Variants in RFX6 observed in about 807,000 individuals in gnomAD.
RFX6 encodes DNA-binding protein RFX6.
In RFX6, 50 loss-of-function variants were observed where a neutral mutation model predicts 110.8. The ratio of observed to expected loss-of-function variants is 0.45; its 90% CI spans 0.36 to 0.57. The LOEUF is 0.57. Ranked by LOEUF, RFX6 falls within the 20% of genes least tolerant of loss-of-function variation. The pLI is 0.00. For synonymous variants in RFX6, 383 were observed against 411.2 expected (o/e 0.93, Z 0.83); for missense variants, 990 against 1,127.0 (o/e 0.88, Z 1.74).
intron 5 of RFX6, 54 bp downstream of exon 5, chr6:116,894,118 GA>G (rs1338607379): frequency 2.0e-5 from 18 of 911,912 alleles, no homozygotes; most frequent in African/African-American, 4.9e-5. Flanking sequence ...AAATATGCAT[GA>G]TACCTATTGA....
In RFX6 at chr6:116,882,419, G is replaced by A; in HGVS notation, c.557G>A (p.Gly186Asp). The A allele has an allele frequency of 6.2e-7, 1 of 1,611,124 alleles. No individual in the cohort carries two copies. Among genetic ancestry groups the A allele is most frequent in the Non-Finnish European group, 8.5e-7 (1 of 1,177,554 alleles). Residue 186 changes from glycine to aspartate, a missense_variant, in exon 4 of 19, where the codon GGC (glycine) becomes GAC (aspartate). Gly to Asp is a moderately conservative substitution (Grantham distance 94). Around this residue, in one of 5 missense-constraint regions of RFX6, gnomAD observed 243 missense variants for 353.1 expected, o/e 0.69. Coordinates refer to ENST00000332958, the MANE Select transcript of RFX6 (RefSeq NM_173560.4). ...LLTTRRLGTR[G>D]HSKYHYYGIG... ...ACAACAAGGCGGCTTGGAACAAGAG[G>A]CCATTCAAAGTAAGATACCAGTGAA...
chr6:116,887,346 G>C (rs339328), intron 4 of RFX6, among the ~76,000 whole-genome samples: 2 of 151,830 alleles, frequency 1.3e-5, no homozygotes, highest in African/African-American at 4.8e-5. Context: ...CAATTTGCAG[G>C]TCCATTAGCA....
At position 116,924,354 on chromosome 6, in the gene RFX6, C is replaced by T. The variant is rs143792425; in HGVS notation, c.1556-315C>T. Among the ~76,000 whole-genome samples the T allele has an allele frequency of 1.3e-4, 20 of 152,270 alleles. No individual in the cohort carries two copies. The East Asian group carries it at 3.9e-3, about 29-fold the overall frequency. On this transcript the variant is annotated intron_variant, in intron 14 of 18. Transcript: ENST00000332958. ...GAAGCTTATCACACTCCAATGTGTG[C>T]CCTCTTAAAGCATAAAGCATGTCTC...
chr6:116,921,595 ATTGC>A (rs1385117971), intron 12 of RFX6, among the ~76,000 whole-genome samples: 1 of 152,146 alleles, frequency 6.6e-6, no homozygotes, highest in Non-Finnish European at 1.5e-5. Flanking sequence ...AGGTGGGAAG[ATTGC>A]TTGATCCCAG....
intron 6 of RFX6, among the ~76,000 whole-genome samples, chr6:116,907,230 C>T (rs1486228121): frequency 1.3e-5 from 2 of 151,866 alleles, no homozygotes; most frequent in East Asian, 1.9e-4. Context: ...GGTGTGTAAT[C>T]CTGTTAATAT....
intron 4 of RFX6, among the ~76,000 whole-genome samples, chr6:116,889,073 T>C (rs1157097105): frequency 6.6e-6 from 1 of 152,126 alleles, no homozygotes; most frequent in Non-Finnish European, 1.5e-5. Context: ...TGCTAAAGCA[T>C]TACAGTGGTC....
At chr6:116,893,955 T>C (rs1427903566) in intron 4 of RFX6, 32 bp from the exon 5 acceptor site, 2 of 1,337,262 alleles carry the variant, frequency 1.5e-6, no homozygotes, top group Non-Finnish European at 2.2e-6. Context: ...TCTCCTTCAC[T>C]AACACAGAGC....
intron 6 of RFX6, among the ~76,000 whole-genome samples, chr6:116,896,556 T>C (rs959756795): frequency 6.7e-6 from 1 of 149,924 alleles, no homozygotes; most frequent in Non-Finnish European, 1.5e-5. Flanking sequence ...ATACAAAAAA[T>C]TATTTGGGCA....
chr6:116,893,530 A>G (rs963544088), intron 4 of RFX6, among the ~76,000 whole-genome samples: 1 of 152,142 alleles, frequency 6.6e-6, no homozygotes, highest in Non-Finnish European at 1.5e-5. Context: ...AATAATGTGT[A>G]AAGGGTCACA....
chr6:116,905,549 AGT>A (rs1470070178), intron 6 of RFX6, among the ~76,000 whole-genome samples: 1 of 151,498 alleles, frequency 6.6e-6, no homozygotes, highest in East Asian at 1.9e-4. Flanking sequence ...TATGAACAAA[AGT>A]GTTTCTTTTT....
intron 7 of RFX6, among the ~76,000 whole-genome samples, chr6:116,912,608 A>T (rs1775375658): frequency 6.6e-6 from 1 of 152,116 alleles, no homozygotes; most frequent in African/African-American, 2.4e-5. Context: ...CAGTCTTCTG[A>T]GGGAGGGTAT....
chr6:116,885,192 C>G (rs986608237), intron 4 of RFX6: 2 of 152,092 alleles, frequency 1.3e-5, no homozygotes, highest in African/African-American at 4.8e-5. Context: ...CCATGTATAG[C>G]TGTGTGACAC....
intron 18 of RFX6, among the ~76,000 whole-genome samples, chr6:116,930,764 T>A (rs1019560667): frequency 6.6e-6 from 1 of 152,106 alleles, no homozygotes; most frequent in Non-Finnish European, 1.5e-5. Flanking sequence ...CCAGTGTGTC[T>A]TAAGCATGTT....
intron 6 of RFX6, among the ~76,000 whole-genome samples, chr6:116,909,320 T>C (rs1424406598): frequency 1.3e-5 from 2 of 152,198 alleles, no homozygotes; most frequent in African/African-American, 2.4e-5. Context: ...CAAACCTTTC[T>C]AAAATTAAGA....
chr6:116,887,921 C>T (rs1245171574), intron 4 of RFX6, among the ~76,000 whole-genome samples: 1 of 152,174 alleles, frequency 6.6e-6, no homozygotes, highest in African/African-American at 2.4e-5. Flanking sequence ...ATTTTACACA[C>T]ATGGTAGACT....
chr6:116,915,690 T>A (rs1406982), intron 7 of RFX6, among the ~76,000 whole-genome samples: 54,491 of 151,796 alleles, frequency 0.36, 10,154 homozygotes, highest in African/African-American at 0.45. Flanking sequence ...TTTAAAAAAT[T>A]TAAATTTAAA....
chr6:116,900,786 G>T (rs1443811432), intron 6 of RFX6, among the ~76,000 whole-genome samples: 1 of 152,008 alleles, frequency 6.6e-6, no homozygotes, highest in Non-Finnish European at 1.5e-5. Context: ...TTGTACTTTT[G>T]TGTGGCTGAA....
In RFX6 at chr6:116,913,382, C is replaced by T. The variant is rs552179130; in HGVS notation, c.780+2340C>T. Among the ~76,000 whole-genome samples, 110 of 152,164 alleles carry T rather than the reference C, an allele frequency of 7.2e-4. 1 individual carries two copies. Among genetic ancestry groups the T allele is most frequent in the African/African-American group, 2.5e-3 (103 of 41,502 alleles). On this transcript the variant is annotated intron_variant, in intron 7 of 18. Transcript: ENST00000332958. ...CAGCCAGCACTTGCTTCTTTAAGGC[C>T]GAAAGAATGGAAACTGCCCAGTGAA... is the stretch of plus-strand genomic sequence containing the variant.
chr6:116,901,043 T>C (rs1342923575), intron 6 of RFX6, among the ~76,000 whole-genome samples: 2 of 152,220 alleles, frequency 1.3e-5, no homozygotes, highest in African/African-American at 2.4e-5. Flanking sequence ...TCACTTTCAA[T>C]ACAGTATTTA....
Sources: gnomAD v4.1 joint callset for allele counts (sites outside exome capture counted in the v4.1 genomes callset) on GRCh38, gnomAD v4.1.1 for gene constraint, gnomAD v4.1.1 regional missense constraint, MANE v1.5 for transcripts, NCBI Gene and HGNC (gene_info 2026-07-23, HGNC 2026-07-21) for gene names.